The following OSBPL6 variants were observed in gnomAD, a reference collection of about 807,000 sequenced individuals.
OSBPL6 encodes oxysterol binding protein like 6.
OSBPL6 carries 49 observed loss-of-function variants against 125.8 expected under a neutral mutation model. The observed-to-expected ratio is 0.39, with a 90% CI of 0.31 to 0.49. The LOEUF is 0.49. Ranked by LOEUF, OSBPL6 falls within the 20% of genes least tolerant of loss-of-function variation. The pLI is 0.88. For synonymous variants in OSBPL6, 394 were observed against 391.8 expected, an observed-to-expected ratio of 1.01 and a Z score of -0.07; for missense variants, 986 against 1,135.4, an observed-to-expected ratio of 0.87 and a Z score of 1.89.
At chr2:178,392,692 TA>T (rs139747569) in intron 23 of OSBPL6, among the ~76,000 whole-genome samples, 154 bp downstream of exon 23, 3,375 of 150,478 alleles carry the variant, frequency 0.022, 82 homozygotes, top group East Asian at 0.13. Context: ...TCTATATCTC[TA>T]AAAAAAAAGA....
chr2:178,354,469 C>T (rs887810436), intron 12 of OSBPL6, among the ~76,000 whole-genome samples: 8 of 151,928 alleles, frequency 5.3e-5, no homozygotes, highest in Non-Finnish European at 7.4e-5. Context: ...TTTAAGCCAA[C>T]GAAGATCAAA....
intron 9 of OSBPL6, among the ~76,000 whole-genome samples, chr2:178,337,865 G>A (rs987847256): frequency 6.6e-6 from 1 of 151,934 alleles, no homozygotes; most frequent in Non-Finnish European, 1.5e-5. Flanking sequence ...TAGGGAGTAT[G>A]AATGTAATAT....
At chr2:178,241,575 C>T (rs2091295381) in intron 1 of OSBPL6, among the ~76,000 whole-genome samples, 1 of 151,978 alleles carries the variant, frequency 6.6e-6, no homozygotes, top group African/African-American at 2.4e-5. Flanking sequence ...ACTACTATGC[C>T]TGGCTAATTT....
chr2:178,388,570 C>A (rs1209995151), intron 20 of OSBPL6, among the ~76,000 whole-genome samples: 1 of 152,210 alleles, frequency 6.6e-6, no homozygotes, highest in South Asian at 2.1e-4. Flanking sequence ...TTTCCCCAGC[C>A]CATAGTGCCC....
intron 2 of OSBPL6, among the ~76,000 whole-genome samples, chr2:178,304,891 C>A (rs1039218934): frequency 2.0e-5 from 3 of 152,168 alleles, no homozygotes; most frequent in Non-Finnish European, 2.9e-5. Flanking sequence ...ATTCTTTGGA[C>A]CTCAGCTCTA....
intron 4 of OSBPL6, among the ~76,000 whole-genome samples, chr2:178,327,464 C>T (rs965952641): frequency 6.6e-6 from 1 of 152,022 alleles, no homozygotes; most frequent in African/African-American, 2.4e-5. Context: ...AGAGAGAGAG[C>T]TCTAATGAAT....
rs150809294 is a variant in OSBPL6, at chr2:178,389,103, A to G, written c.2251A>G (p.Ile751Val). Residue 751 changes from isoleucine to valine, a missense_variant, in exon 21 of 25, where the codon ATC (isoleucine) becomes GTC (valine). By Grantham distance (29) the Ile-to-Val change is conservative (BLOSUM62 3). Transcript: ENST00000190611. ...RWIEHYGEVT[I>V]RNTKSSVCIC... is the part of the protein sequence containing the mutation. ...GATAGAACATTATGGAGAAGTAACC[A>G]TCAGAAATACCAAAAGCAGTGTTTG... 8.7e-6 allele frequency: 14 copies of G among 1,614,028 alleles called. No homozygotes were observed. The highest frequency in any genetic ancestry group is 6.7e-5 in the Admixed American group (4 of 60,034).
chr2:178,392,519 C>T lies in OSBPL6; in HGVS notation c.2554C>T (p.Arg852Trp), dbSNP rs151313508. The change falls in exon 23 of 25, where the codon CGG (arginine) becomes TGG (tryptophan). Residue 852 changes from arginine to tryptophan, a missense_variant. Arg to Trp is a moderately radical substitution (Grantham distance 101). This residue lies in a region of OSBPL6 where 843 missense variants were observed against 997.3 expected (regional missense o/e 0.85). Transcript: ENST00000190611. ...AGATCTCCTTCCACCAACAGACGCCCGGTTCCGGCCAGATCAAAGGTGAGG... is the reference window on the plus strand; with the variant it reads ...AGATCTCCTTCCACCAACAGACGCCTGGTTCCGGCCAGATCAAAGGTGAGG... ...LKDLLPPTDA[R>W]FRPDQRFLEE... The T allele has an allele frequency of 8.7e-6, 14 of 1,613,838 alleles. No homozygotes were observed. Among genetic ancestry groups the T allele is most frequent in the African/African-American group, 1.3e-5 (1 of 74,884 alleles).
intron 1 of OSBPL6, among the ~76,000 whole-genome samples, chr2:178,225,603 AC>A (rs2090529340): frequency 6.6e-6 from 1 of 152,120 alleles, no homozygotes; most frequent in Admixed American, 6.6e-5. Context: ...ATAAAGACAT[AC>A]CCGAGACTGG....
At position 178,324,205 on chromosome 2, in the gene OSBPL6, C is replaced by G; in HGVS notation, c.131C>G (p.Ser44Cys). The G allele has an allele frequency of 1.9e-6, 3 of 1,571,990 alleles. No homozygotes were observed. The highest frequency in any genetic ancestry group is 2.6e-6 in the Non-Finnish European group (3 of 1,150,494). ...QSIHILERTASSSTEPSVSRQ... is the reference protein window; with the variant it reads ...QSIHILERTACSSTEPSVSRQ... ...ATTCACATACTGGAGAGGACTGCTT[C>G]CTCTAGCACCGAGCCCTCTGTAAGT... The change falls in exon 4 of 25, where the codon TCC (serine) becomes TGC (cysteine). Residue 44 changes from serine (S) to cysteine (C), a missense_variant. Coordinates refer to ENST00000190611, the MANE Select transcript of OSBPL6 (RefSeq NM_032523.4).
intron 8 of OSBPL6, 130 bp from the exon 9 acceptor site, chr2:178,336,171 G>A (rs976691350): frequency 3.6e-5 from 43 of 1,191,712 alleles, no homozygotes; most frequent in Middle Eastern, 4.6e-4. Context: ...TTAGCCAAGA[G>A]GCTTCTTCCA....
At chr2:178,368,703 A>T (rs1693085554) in intron 13 of OSBPL6, among the ~76,000 whole-genome samples, 2 of 152,260 alleles carry the variant, frequency 1.3e-5, no homozygotes, top group South Asian at 4.1e-4. Flanking sequence ...TAAAAAAAAA[A>T]TAGTTTTGAA....
At chr2:178,372,427 A>T (rs1693476414) in intron 14 of OSBPL6, among the ~76,000 whole-genome samples, 194 bp downstream of exon 14, 1 of 152,140 alleles carries the variant, frequency 6.6e-6, no homozygotes, top group South Asian at 2.1e-4. Context: ...CCTGGTGATC[A>T]GTGTCTATTT....
chr2:178,235,771 T>C (rs935795817), intron 1 of OSBPL6, among the ~76,000 whole-genome samples: 1 of 152,242 alleles, frequency 6.6e-6, no homozygotes, highest in Admixed American at 6.5e-5. Flanking sequence ...GCCTATGGCT[T>C]AACAATCTAA....
At chr2:178,319,396 C>T (rs1292741323) in intron 3 of OSBPL6, among the ~76,000 whole-genome samples, 1 of 152,106 alleles carries the variant, frequency 6.6e-6, no homozygotes, top group African/African-American at 2.4e-5. Context: ...GTAAAGAATG[C>T]TTTGTGATAT....
At chr2:178,372,033 A>C in intron 13 of OSBPL6, 93 bp from the exon 14 acceptor site, 1 of 913,586 alleles carries the variant, frequency 1.1e-6, no homozygotes, top group Non-Finnish European at 1.7e-6. Flanking sequence ...AGAACATCAC[A>C]GACATTATTG....
chr2:178,339,758 A>G lies in OSBPL6; in HGVS notation c.981A>G (p.Gln327=), dbSNP rs1216451000. The change falls in exon 11 of 25, where the codon CAA becomes CAG. Residue 327 remains glutamine (Q), a synonymous_variant. Transcript: ENST00000190611. ...TKSVSKDTKI[Q]LQVPFSATMS... is the part of the protein sequence containing the mutation. ...GTGTCAGCAAAGATACAAAAATACAACTGCAGGTACAGATTTTACTTTTCC... is the reference window on the plus strand; with the variant it reads ...GTGTCAGCAAAGATACAAAAATACAGCTGCAGGTACAGATTTTACTTTTCC... 5 of 1,597,884 alleles carry G rather than the reference A, an allele frequency of 3.1e-6. No individual in the cohort carries two copies. The highest frequency in any genetic ancestry group is 4.3e-6 in the Non-Finnish European group (5 of 1,172,800).
In OSBPL6 at chr2:178,395,892, G is replaced by A. The variant is rs1043217005; in HGVS notation, c.*333G>A. 2 of 411,404 alleles carry A rather than the reference G, an allele frequency of 4.9e-6. No homozygotes were observed. The highest frequency in any genetic ancestry group is 3.5e-5 in the Admixed American group (1 of 28,522). The allele number at this position is 411,404 out of a possible 1,614,324, so 25.5% of individuals were successfully genotyped here. On this transcript the variant is annotated 3_prime_UTR_variant, in exon 25 of 25. Transcript: ENST00000190611. ...TAAAGAAAAACAAATGGTAACTGGT[G>A]CTTAAAGCTGATCAAGAAAGTTAAC... is the stretch of plus-strand genomic sequence containing the variant.
intron 19 of OSBPL6, among the ~76,000 whole-genome samples, chr2:178,386,155 T>C (rs1694916682): frequency 6.6e-6 from 1 of 152,224 alleles, no homozygotes; most frequent in Non-Finnish European, 1.5e-5. Context: ...TGACTTCTCA[T>C]GAGCATTTTC....
Sources: allele counts gnomAD v4.1 joint callset (sites outside exome capture counted in the v4.1 genomes callset), GRCh38; gene constraint gnomAD v4.1.1; regional missense constraint gnomAD v4.1.1; transcripts MANE v1.5; gene names NCBI Gene and HGNC (gene_info 2026-07-23, HGNC 2026-07-21).